NUDCD1: variants seen among roughly 807,000 people sequenced by gnomAD.
NUDCD1 encodes nudC domain-containing protein 1.
NUDCD1 carries 60 observed loss-of-function variants against 67.8 expected under a neutral mutation model. The observed-to-expected ratio is 0.88, with a 90% confidence interval of 0.72 to 1.10. NUDCD1 has a LOEUF of 1.10. Ranked by LOEUF, NUDCD1 falls within the 50% of genes least tolerant of loss-of-function variation. The pLI is 0.00. For missense variants in NUDCD1, 643 were observed against 695.0 expected, an observed-to-expected ratio of 0.93 and a Z score of 0.84; for synonymous variants, 244 against 230.8, an observed-to-expected ratio of 1.06 and a Z score of -0.52.
At chr8:109,284,309 T>C (rs1418866193) in intron 5 of NUDCD1, among the ~76,000 whole-genome samples, 3 of 152,106 alleles carry the variant, frequency 2.0e-5, no homozygotes, top group Non-Finnish European at 4.4e-5. Flanking sequence ...TCTAGACCTA[T>C]GGAAAGACTT....
chr8:109,328,626 T>A (rs1194919847), intron 1 of NUDCD1, among the ~76,000 whole-genome samples: 1 of 152,194 alleles, frequency 6.6e-6, no homozygotes, highest in Non-Finnish European at 1.5e-5. Flanking sequence ...CCTTAATTTG[T>A]GGGATACTGG....
chr8:109,324,805 G>A (rs1476627068), intron 1 of NUDCD1, among the ~76,000 whole-genome samples: 1 of 152,200 alleles, frequency 6.6e-6, no homozygotes, highest in Non-Finnish European at 1.5e-5. Flanking sequence ...CCAGGCACAA[G>A]GCCGGGCGCC....
chr8:109,303,902 A>T (rs1358781467), intron 2 of NUDCD1, among the ~76,000 whole-genome samples: 4 of 151,912 alleles, frequency 2.6e-5, no homozygotes, highest in Non-Finnish European at 5.9e-5. Flanking sequence ...CCCCCATTTC[A>T]CCTGTCCAAA....
intron 4 of NUDCD1, among the ~76,000 whole-genome samples, chr8:109,292,660 G>C (rs1475047859): frequency 6.6e-6 from 1 of 152,060 alleles, no homozygotes; most frequent in African/African-American, 2.4e-5. Flanking sequence ...CTCAACTACA[G>C]TTAAAAAGAA....
At position 109,245,280 on chromosome 8, in the gene NUDCD1, ATT is replaced by A. The variant is rs556892617; in HGVS notation, c.1459+40_1459+41del. On this transcript the variant is annotated intron_variant, in intron 9 of 9. Coordinates refer to ENST00000239690, the MANE Select transcript of NUDCD1 (RefSeq NM_032869.4). ...TGAACTTTAAATGAATGATGACTGT[ATT>A]TCTGATTTCATGGAAAATGTCAAAG... 336 of 1,566,540 alleles carry A rather than the reference ATT, an allele frequency of 2.1e-4. 3 individuals are homozygous for A. In the African/African-American group the frequency reaches 4.3e-3, roughly 20 times the overall value.
intron 2 of NUDCD1, 106 bp from the exon 3 acceptor site, chr8:109,296,675 G>A (rs1352061284): frequency 9.3e-6 from 7 of 752,538 alleles, no homozygotes; most frequent in Non-Finnish European, 1.5e-5. Flanking sequence ...AAGAGTTGGA[G>A]TCTAATTCCT....
At position 109,293,434 on chromosome 8, in the gene NUDCD1, G is replaced by C; in HGVS notation, c.550C>G (p.Leu184Val). The C allele has an allele frequency of 1.9e-6, 3 of 1,587,230 alleles. No homozygotes were observed. The East Asian group carries it at 6.9e-5, about 36-fold the overall frequency. ...NAEEHSIATLLLRIEKEELDM... is the reference protein window; with the variant it reads ...NAEEHSIATLVLRIEKEELDM... Reference sequence around the variant, plus strand: ...AATTCCTCTTTCTCTATTCGAAGAAGTAGGGTAGCTATAGAATGTTCTTCA... The same window carrying C: ...AATTCCTCTTTCTCTATTCGAAGAACTAGGGTAGCTATAGAATGTTCTTCA... Residue 184 changes from leucine to valine, a missense_variant, in exon 4 of 10, where the codon CTT becomes GTT. Leu to Val is a conservative substitution (Grantham distance 32, BLOSUM62 1). Coordinates refer to ENST00000239690, the MANE Select transcript of NUDCD1 (RefSeq NM_032869.4).
chr8:109,253,021 C>A (rs992231185), intron 8 of NUDCD1, among the ~76,000 whole-genome samples: 1 of 152,122 alleles, frequency 6.6e-6, no homozygotes, highest in African/African-American at 2.4e-5. Flanking sequence ...AAGTAGCCAA[C>A]CCATGTACTA....
chr8:109,319,175 G>A (rs977461452), intron 2 of NUDCD1, among the ~76,000 whole-genome samples: 6 of 151,962 alleles, frequency 3.9e-5, no homozygotes, highest in African/African-American at 7.3e-5. Context: ...GGGTTTCATC[G>A]TGTCAGCCAG....
At chr8:109,293,055 T>C (rs928895085) in intron 4 of NUDCD1, among the ~76,000 whole-genome samples, 3 of 149,884 alleles carry the variant, frequency 2.0e-5, no homozygotes, top group Admixed American at 2.0e-4. Flanking sequence ...ATGCATATAT[T>C]TTTGTATATA....
At chr8:109,245,949 G>A (rs113754381) in intron 8 of NUDCD1, among the ~76,000 whole-genome samples, 19,486 of 152,172 alleles carry the variant, frequency 0.13, 1,322 homozygotes, top group Middle Eastern at 0.25. Context: ...CCTCCTGTCA[G>A]ATCAGCAGTG....
At chr8:109,296,590 A>T (rs748016826) in intron 2 of NUDCD1, 21 bp from the exon 3 acceptor site, 1 of 1,506,142 alleles carries the variant, frequency 6.6e-7, no homozygotes, top group Non-Finnish European at 9.1e-7. Context: ...CAAACATTAT[A>T]CATTAATCTC....
chr8:109,307,166 T>C (rs563022894), intron 2 of NUDCD1, among the ~76,000 whole-genome samples: 23 of 152,326 alleles, frequency 1.5e-4, no homozygotes, highest in Non-Finnish European at 3.1e-4. Flanking sequence ...TCCACCAATG[T>C]GATTTGTTCC....
chr8:109,257,839 G>A (rs890481221), intron 8 of NUDCD1, among the ~76,000 whole-genome samples: 1 of 152,058 alleles, frequency 6.6e-6, no homozygotes, highest in African/African-American at 2.4e-5. Flanking sequence ...ATAAATACAT[G>A]TCTATGACTG....
Position 109,296,536 on chromosome 8 carries a change from G to A in NUDCD1, c.307C>T (p.Arg103Ter), listed in dbSNP as rs753197210. Residue 103 changes from arginine to a stop codon, truncating the protein, a stop_gained, in exon 3 of 10, where the codon CGA becomes TGA. Transcript: ENST00000239690. LOFTEE classifies it high-confidence loss of function. ...TALGKPREVF[R>*]LPTDLTACDN... ...CATGCTGTCAAATCTGTAGGAAGTC[G>A]AAACACCTCTCGTGGTTTTCCTAAG... The A allele has an allele frequency of 1.1e-5, 17 of 1,609,180 alleles. No individual in the cohort carries two copies. Among genetic ancestry groups the A allele is most frequent in the Admixed American group, 5.0e-5 (3 of 59,668 alleles).
In NUDCD1 at chr8:109,333,433, G is replaced by A. The variant is rs114701115; in HGVS notation, c.118+460C>T. Among the ~76,000 whole-genome samples the A allele has an allele frequency of 1.2e-3, 178 of 152,290 alleles. 1 individual carries two copies. The highest frequency in any genetic ancestry group is 4.0e-3 in the African/African-American group (167 of 41,546). On this transcript the variant is annotated intron_variant, in intron 1 of 9. Coordinates refer to ENST00000239690, the MANE Select transcript of NUDCD1 (RefSeq NM_032869.4). Reference sequence around the variant, plus strand: ...CTGAGTAATTAAAAATGCTATGACTGGAATGTAGTTTCTCTTCTAAGAAAC... The same window carrying A: ...CTGAGTAATTAAAAATGCTATGACTAGAATGTAGTTTCTCTTCTAAGAAAC...
At chr8:109,279,323 C>A (rs1310892099) in intron 6 of NUDCD1, among the ~76,000 whole-genome samples, 1 of 152,140 alleles carries the variant, frequency 6.6e-6, no homozygotes, top group Non-Finnish European at 1.5e-5. Flanking sequence ...GTATTGGTGT[C>A]TCACTCTAGT....
At chr8:109,313,808 T>A (rs1375753780) in intron 2 of NUDCD1, 6 of 1,005,532 alleles carry the variant, frequency 6.0e-6, no homozygotes, top group Non-Finnish European at 6.9e-6. Context: ...TGGTTATACA[T>A]GACGGAGGTT....
At chr8:109,249,260 T>C (rs1045768940) in intron 8 of NUDCD1, among the ~76,000 whole-genome samples, 1 of 152,216 alleles carries the variant, frequency 6.6e-6, no homozygotes, top group African/African-American at 2.4e-5. Flanking sequence ...TTAATGTTAA[T>C]TATTACCCTT....
Sources: gnomAD v4.1 joint callset for allele counts (sites outside exome capture counted in the v4.1 genomes callset) on GRCh38, gnomAD v4.1.1 for gene constraint, MANE v1.5 for transcripts, NCBI Gene and HGNC (gene_info 2026-07-23, HGNC 2026-07-21) for gene names.